CAMK4: variants seen among roughly 807,000 people sequenced by gnomAD.
CAMK4 encodes calcium/calmodulin dependent protein kinase IV, also known as calcium/calmodulin-dependent protein kinase type IV.
In CAMK4, 22 loss-of-function variants were observed where a neutral mutation model predicts 44.9. The ratio of observed to expected loss-of-function variants is 0.49; its 90% CI spans 0.35 to 0.70. The LOEUF (loss-of-function observed/expected upper bound fraction) is 0.70. Among genes scored for constraint, CAMK4 ranks in the 30% least tolerant of loss-of-function variants. The probability of loss-of-function intolerance (pLI) is 0.01; values close to 1 mark genes in which losing one functional copy is unlikely to be tolerated. For missense variants in CAMK4, 498 were observed against 586.8 expected (o/e 0.85, Z 1.56); for synonymous variants, 218 against 215.4 (o/e 1.01, Z -0.11).
intron 2 of CAMK4, among the ~76,000 whole-genome samples, chr5:111,345,296 T>A (rs1749820125): frequency 1.3e-5 from 2 of 151,972 alleles, no homozygotes; most frequent in Admixed American, 1.3e-4. Context: ...TAATGAATTC[T>A]ATATTCTGAA....
intron 1 of CAMK4, among the ~76,000 whole-genome samples, chr5:111,273,677 T>A (rs1413351567): frequency 4.9e-4 from 20 of 41,122 alleles, no homozygotes; most frequent in East Asian, 1.3e-3. Context: ...AAAAATGCAT[T>A]TATATATATA....
intron 5 of CAMK4, among the ~76,000 whole-genome samples, chr5:111,429,777 C>CAAAA (rs70973607): frequency 0.018 from 475 of 26,330 alleles, 12 homozygotes; most frequent in African/African-American, 0.02. Context: ...GACCTCATCT[C>CAAAA]AAAAAAAAAA....
intron 1 of CAMK4, among the ~76,000 whole-genome samples, chr5:111,310,293 A>G (rs1748145071): frequency 6.6e-6 from 1 of 152,194 alleles, no homozygotes; most frequent in African/African-American, 2.4e-5. Flanking sequence ...CTTTGGAAAT[A>G]AATGTATCCT....
chr5:111,381,542 TC>T (rs755161969), intron 4 of CAMK4, among the ~76,000 whole-genome samples: 12 of 152,116 alleles, frequency 7.9e-5, no homozygotes, highest in Non-Finnish European at 1.5e-4. Context: ...TCCACGTTCT[TC>T]TGCCTGCTTT....
At chr5:111,468,895 T>G (rs933073148) in intron 7 of CAMK4, among the ~76,000 whole-genome samples, 2 of 151,828 alleles carry the variant, frequency 1.3e-5, no homozygotes, top group Non-Finnish European at 2.9e-5. Flanking sequence ...AGAGAATCGC[T>G]TGAACCCAGG....
At chr5:111,275,331 CT>C (rs372783445) in intron 1 of CAMK4, among the ~76,000 whole-genome samples, 15 of 150,952 alleles carry the variant, frequency 9.9e-5, no homozygotes, top group Admixed American at 2.0e-4. Context: ...ATTTCTTCTT[CT>C]TTTTTTTTGA....
At chr5:111,477,782 T>G (rs1755298708) in intron 8 of CAMK4, among the ~76,000 whole-genome samples, 2 of 152,352 alleles carry the variant, frequency 1.3e-5, no homozygotes, top group East Asian at 3.9e-4. Context: ...TGACAATAGT[T>G]TCAGCTTCTG....
intron 2 of CAMK4, among the ~76,000 whole-genome samples, chr5:111,353,723 A>C (rs532562409): frequency 7.7e-6 from 1 of 130,334 alleles, no homozygotes; most frequent in Admixed American, 7.7e-5. Context: ...CTATCTGAAA[A>C]AGAAATTAAG....
rs78936268 is a variant in CAMK4 at position 111,317,246 on chromosome 5, A to G, written c.162-26778A>G. Among the ~76,000 whole-genome samples the G allele has an allele frequency of 4.3e-3, 651 of 152,228 alleles. 4 individuals are homozygous for G. Among genetic ancestry groups the G allele is most frequent in the African/African-American group, 0.014 (598 of 41,554 alleles). ...GAAATGTGCTAAAAAATGAATGTCA[A>G]ATTTCACAGTTACATTACATAGTGA... On this transcript the variant is annotated intron_variant, in intron 1 of 10. Transcript: ENST00000282356.
chr5:111,244,711 A>G (rs914995911), intron 1 of CAMK4, among the ~76,000 whole-genome samples: 2 of 152,076 alleles, frequency 1.3e-5, no homozygotes, highest in African/African-American at 4.8e-5. Flanking sequence ...AAATACAAAA[A>G]TTAGCCGGGC....
chr5:111,266,112 A>G (rs575909894), intron 1 of CAMK4: 2 of 152,176 alleles, frequency 1.3e-5, no homozygotes, highest in East Asian at 1.9e-4. Flanking sequence ...TCAATTAGCA[A>G]TCTTTTCTGA....
chr5:111,423,762 T>A (rs1024894861), intron 5 of CAMK4, among the ~76,000 whole-genome samples: 6 of 152,172 alleles, frequency 3.9e-5, no homozygotes, highest in Admixed American at 3.9e-4. Flanking sequence ...TTTGCTCTAT[T>A]CTTCTTGGAA....
At position 111,268,789 on chromosome 5, in the gene CAMK4, T is replaced by C. The variant is rs73786864; in HGVS notation, c.161+44145T>C. On this transcript the variant is annotated intron_variant, in intron 1 of 10. Coordinates refer to ENST00000282356, the MANE Select transcript of CAMK4 (RefSeq NM_001744.6). ...AAAGAGACATCTAACTTAGTATTCC[T>C]TTCTATCTCCTTCTATACCTGGTAA... Among the ~76,000 whole-genome samples, 643 of 152,340 alleles carry C rather than the reference T, an allele frequency of 4.2e-3. 4 individuals are homozygous for C. The highest frequency in any genetic ancestry group is 0.015 in the African/African-American group (615 of 41,590).
At chr5:111,282,571 T>C (rs1261272283) in intron 1 of CAMK4, among the ~76,000 whole-genome samples, 1 of 152,236 alleles carries the variant, frequency 6.6e-6, no homozygotes, top group Non-Finnish European at 1.5e-5. Context: ...TAATTAGCTT[T>C]GTGTGTTTTC....
At chr5:111,444,568 C>T (rs1753961822) in intron 5 of CAMK4, among the ~76,000 whole-genome samples, 3 of 152,122 alleles carry the variant, frequency 2.0e-5, no homozygotes. Flanking sequence ...TTGAGAGTAG[C>T]TGAATCTCCC....
intron 7 of CAMK4, 27 bp downstream of exon 7, chr5:111,449,230 CT>C: frequency 9.9e-7 from 1 of 1,014,558 alleles, no homozygotes; most frequent in Non-Finnish European, 1.5e-6. Context: ...TTATATTTTA[CT>C]TTTATTGTTA....
In CAMK4 at chr5:111,431,909, T is replaced by C. The variant is rs529415687; in HGVS notation, c.460-14777T>C. ...AAAAGGGAACCCTTGTACAACGTTG[T>C]TGAGAAGGTAAATTAGTACAATCAC... On this transcript the variant is annotated intron_variant, in intron 5 of 10. Transcript: ENST00000282356. Among the ~76,000 whole-genome samples the C allele has an allele frequency of 1.9e-4, 29 of 152,164 alleles. 1 individual carries two copies. In the South Asian group the frequency reaches 5.4e-3, roughly 28 times the overall value.
chr5:111,332,284 G>T (rs1346446924), intron 1 of CAMK4, among the ~76,000 whole-genome samples: 2 of 126,816 alleles, frequency 1.6e-5, no homozygotes, highest in Non-Finnish European at 3.1e-5. Flanking sequence ...CTGTGTCCAT[G>T]TGTTCTCATT....
chr5:111,411,138 A>T (rs1454942756), intron 5 of CAMK4, among the ~76,000 whole-genome samples: 2 of 152,230 alleles, frequency 1.3e-5, no homozygotes, highest in African/African-American at 4.8e-5. Flanking sequence ...ATCCTAAGGC[A>T]AGACAGAAGA....
Sources: gnomAD v4.1 joint callset for allele counts (sites outside exome capture counted in the v4.1 genomes callset) on GRCh38, gnomAD v4.1.1 for gene constraint, MANE v1.5 for transcripts, NCBI Gene and HGNC (gene_info 2026-07-23, HGNC 2026-07-21) for gene names.